Variants in CSMD2 observed in about 807,000 individuals in gnomAD.
CSMD2 encodes the protein CUB and sushi domain-containing protein 2.
In CSMD2, 130 loss-of-function variants were observed where a neutral mutation model predicts 398.5. The observed-to-expected ratio is 0.33, with a 90% CI of 0.28 to 0.38. CSMD2 has a LOEUF of 0.38. Among genes scored for constraint, CSMD2 ranks in the 10% least tolerant of loss-of-function variants. CSMD2 has a pLI of 1.00. For missense variants in CSMD2, 3,829 were observed against 4,764.9 expected, an observed-to-expected ratio of 0.80 and a Z score of 5.78; for synonymous variants, 1,828 against 1,908.5, an observed-to-expected ratio of 0.96 and a Z score of 1.10.
intron 1 of CSMD2, among the ~76,000 whole-genome samples, chr1:34,144,257 C>T (rs1298750582): frequency 2.6e-5 from 4 of 152,162 alleles, no homozygotes; most frequent in Non-Finnish European, 5.9e-5. Flanking sequence ...GGTCCAGATT[C>T]ACCATGCAGT....
intron 42 of CSMD2, among the ~76,000 whole-genome samples, chr1:33,603,735 T>G (rs560987362): frequency 1.3e-5 from 2 of 152,220 alleles, no homozygotes; most frequent in East Asian, 3.9e-4. Flanking sequence ...ACGGGGGTGT[T>G]TGGGGGAGCC....
Position 34,092,686 on chromosome 1 carries a change from C to A in CSMD2, c.188-3493G>T, listed in dbSNP as rs1207860526. On this transcript the variant is annotated intron_variant, in intron 1 of 70. Coordinates refer to ENST00000373381, the MANE Select transcript of CSMD2 (RefSeq NM_001281956.2). ...GAATCGGGTCACTCCCACCCGAATA[C>A]TGCGCTTTTCCGACGGGCTTAAAAA... Among the ~76,000 whole-genome samples the A allele has an allele frequency of 3.3e-5, 5 of 151,988 alleles. No homozygotes were observed. The South Asian group carries it at 6.2e-4, about 19-fold the overall frequency.
intron 44 of CSMD2, chr1:33,600,042 A>G: frequency 1.6e-6 from 1 of 634,444 alleles, no homozygotes; most frequent in Non-Finnish European, 2.9e-6. Context: ...TTCATTTGTA[A>G]AGTGGGGGTT....
intron 19 of CSMD2, among the ~76,000 whole-genome samples, chr1:33,720,223 T>C (rs1488287040): frequency 1.3e-5 from 2 of 152,214 alleles, no homozygotes; most frequent in Non-Finnish European, 2.9e-5. Flanking sequence ...GTGCCGGGCA[T>C]AGAGCCAGAA....
chr1:33,999,767 T>G (rs1046312401), intron 3 of CSMD2, among the ~76,000 whole-genome samples: 2 of 152,158 alleles, frequency 1.3e-5, no homozygotes, highest in African/African-American at 4.8e-5. Context: ...TAAAATATGA[T>G]GAGGATAACT....
chr1:33,944,233 C>T (rs1386444393), intron 3 of CSMD2, among the ~76,000 whole-genome samples: 1 of 151,940 alleles, frequency 6.6e-6, no homozygotes, highest in Admixed American at 6.6e-5. Flanking sequence ...CAGGAACGCC[C>T]CCCCCCCAAC....
At chr1:33,982,881 A>C (rs979916749) in intron 3 of CSMD2, among the ~76,000 whole-genome samples, 1 of 152,228 alleles carries the variant, frequency 6.6e-6, no homozygotes, top group Admixed American at 6.5e-5. Flanking sequence ...CATTTGGACC[A>C]GACCCTAGGA....
chr1:33,600,004 G>A (rs978087177), intron 44 of CSMD2: 11 of 617,904 alleles, frequency 1.8e-5, no homozygotes, highest in African/African-American at 7.4e-5. Flanking sequence ...TTTTGGGCAA[G>A]TACTTGAGCC....
chr1:33,808,615 T>C (rs1325243), intron 10 of CSMD2, among the ~76,000 whole-genome samples: 72,550 of 151,872 alleles, frequency 0.48, 18,022 homozygotes, highest in East Asian at 0.65. Flanking sequence ...GAGGGAAATT[T>C]GTAGCCTTTG....
intron 3 of CSMD2, among the ~76,000 whole-genome samples, chr1:33,987,769 A>T (rs144421099): frequency 6.6e-6 from 1 of 152,198 alleles, no homozygotes; most frequent in African/African-American, 2.4e-5. Context: ...GCACTCACCT[A>T]TTCCAGACCT....
At chr1:33,547,025 AT>A (rs1189186043) in intron 56 of CSMD2, among the ~76,000 whole-genome samples, 5 of 152,224 alleles carry the variant, frequency 3.3e-5, no homozygotes, top group African/African-American at 1.2e-4. Context: ...CAAAGAAATG[AT>A]AAATATTCAA....
At chr1:34,102,615 C>T (rs1419089123) in intron 1 of CSMD2, among the ~76,000 whole-genome samples, 1 of 72,630 alleles carries the variant, frequency 1.4e-5, no homozygotes, top group East Asian at 2.8e-4. Context: ...CCCTGTGATC[C>T]AACCATATCC....
At chr1:33,975,810 G>A (rs531131989) in intron 3 of CSMD2, among the ~76,000 whole-genome samples, 2 of 152,248 alleles carry the variant, frequency 1.3e-5, no homozygotes, top group African/African-American at 4.8e-5. Context: ...TGGGGATGTC[G>A]AACTGAATCT....
chr1:33,521,100 A>G (rs1368361802), intron 68 of CSMD2, among the ~76,000 whole-genome samples: 1 of 152,224 alleles, frequency 6.6e-6, no homozygotes, highest in Non-Finnish European at 1.5e-5. Context: ...AGGCACCCTG[A>G]GAGCTCTAAG....
intron 2 of CSMD2, among the ~76,000 whole-genome samples, chr1:34,047,225 G>A (rs991442731): frequency 5.9e-5 from 9 of 151,890 alleles, no homozygotes; most frequent in African/African-American, 1.9e-4. Context: ...TAACCATAAC[G>A]GCCGCTTGCT....
intron 1 of CSMD2, among the ~76,000 whole-genome samples, chr1:34,102,116 C>G (rs554386942): frequency 2.6e-5 from 4 of 152,014 alleles, no homozygotes; most frequent in African/African-American, 9.7e-5. Flanking sequence ...CTGCAAGCTC[C>G]GCTTCCCAGG....
intron 1 of CSMD2, among the ~76,000 whole-genome samples, chr1:34,125,507 C>CTGTG (rs35436778): frequency 0.07 from 9,823 of 141,014 alleles, 478 homozygotes; most frequent in East Asian, 0.25. Context: ...TCAACCTTGG[C>CTGTG]TGTGTGTGTG....
intron 26 of CSMD2, among the ~76,000 whole-genome samples, 199 bp from the exon 27 acceptor site, chr1:33,658,336 T>G (rs994087779): frequency 1.3e-5 from 2 of 152,200 alleles, no homozygotes; most frequent in African/African-American, 4.8e-5. Context: ...CCACCAATTG[T>G]GATCACACTT....
Position 33,753,550 on chromosome 1 carries a change from C to T in CSMD2, c.1847-9944G>A, listed in dbSNP as rs182548723. Among the ~76,000 whole-genome samples, 205 of 152,308 alleles carry T rather than the reference C, an allele frequency of 1.3e-3. 1 individual carries two copies. Among genetic ancestry groups the T allele is most frequent in the African/African-American group, 4.7e-3 (196 of 41,576 alleles). On this transcript the variant is annotated intron_variant, in intron 13 of 70. Transcript: ENST00000373381. ...TGGAGTGGCAATGTGGGGTTGGAAC[C>T]CCCACACAGAGTCCCACCAGTGAAG...
Sources: gnomAD v4.1 joint callset for allele counts (sites outside exome capture counted in the v4.1 genomes callset) on GRCh38, gnomAD v4.1.1 for gene constraint, MANE v1.5 for transcripts, NCBI Gene and HGNC (gene_info 2026-07-23, HGNC 2026-07-21) for gene names.